The following RNLS variants were observed in gnomAD, a reference collection of about 807,000 sequenced individuals.
RNLS encodes renalase.
In RNLS, 39 loss-of-function variants were observed where a neutral mutation model predicts 39.8. The ratio of observed to expected loss-of-function variants is 0.98; its 90% CI spans 0.76 to 1.28. The LOEUF (loss-of-function observed/expected upper bound fraction) is 1.28. Among genes scored for constraint, RNLS ranks in the 50% most tolerant of loss-of-function variants. The pLI is 0.00. For synonymous variants in RNLS, 147 were observed against 150.7 expected (o/e 0.98, Z 0.18); for missense variants, 410 against 413.3 (o/e 0.99, Z 0.07).
At chr10:88,451,441 A>G (rs535297061) in intron 4 of RNLS, among the ~76,000 whole-genome samples, 58 of 152,306 alleles carry the variant, frequency 3.8e-4, no homozygotes, top group African/African-American at 1.3e-3. Context: ...GGACTGGAAC[A>G]TAAGGAACTG....
the RNLS span, among the ~76,000 whole-genome samples, chr10:88,213,944 A>G: frequency 1.8e-4 from 28 of 152,308 alleles, no homozygotes; most frequent in East Asian, 5.0e-3. Context: ...AAACTGGCTT[A>G]AACAAAAAGG....
At chr10:88,336,223 T>A (rs1303895872) in intron 5 of RNLS, among the ~76,000 whole-genome samples, 1 of 152,232 alleles carries the variant, frequency 6.6e-6, no homozygotes, top group Non-Finnish European at 1.5e-5. Context: ...CCGACACACC[T>A]ATTAGCTTCT....
chr10:88,315,743 T>A (rs985535415), intron 5 of RNLS, among the ~76,000 whole-genome samples: 1 of 151,780 alleles, frequency 6.6e-6, no homozygotes, highest in African/African-American at 2.4e-5. Context: ...TTCAGGTTTT[T>A]TTTTTTTTTT....
At chr10:88,515,003 C>CA (rs1285482929) in intron 4 of RNLS, among the ~76,000 whole-genome samples, 3 of 152,042 alleles carry the variant, frequency 2.0e-5, no homozygotes, top group Admixed American at 6.6e-5. Context: ...TTCTTACCAA[C>CA]AAGGGTTCCA....
chr10:88,245,759 A>G, the RNLS span, among the ~76,000 whole-genome samples: 2 of 152,036 alleles, frequency 1.3e-5, no homozygotes, highest in African/African-American at 4.8e-5. Flanking sequence ...GCTTTCTTCT[A>G]TCATATATGC....
intron 4 of RNLS, among the ~76,000 whole-genome samples, chr10:88,475,809 A>G (rs994283409): frequency 6.6e-6 from 1 of 152,208 alleles, no homozygotes; most frequent in Admixed American, 6.6e-5. Context: ...GAAAAATAGT[A>G]ACATTGATTA....
the RNLS span, among the ~76,000 whole-genome samples, chr10:88,255,353 G>A: frequency 1.3e-5 from 2 of 152,094 alleles, no homozygotes; most frequent in Admixed American, 6.6e-5. Flanking sequence ...TCTTAATCCC[G>A]GGAATACAGG....
At chr10:88,241,824 G>C in the RNLS span, among the ~76,000 whole-genome samples, 1 of 152,190 alleles carries the variant, frequency 6.6e-6, no homozygotes, top group East Asian at 1.9e-4. Context: ...TTCATGCTCT[G>C]TGCATTTATA....
the RNLS span, among the ~76,000 whole-genome samples, chr10:88,239,428 G>T: frequency 6.6e-6 from 1 of 152,132 alleles, no homozygotes; most frequent in Admixed American, 6.5e-5. Flanking sequence ...CATTCCAAAG[G>T]TTGAAAGGCA....
rs375615489 is a variant in RNLS, at chr10:88,362,840, C to G, written c.527-115G>C. 6.0e-6 allele frequency: 5 copies of G among 838,686 alleles called. No individual in the cohort carries two copies. The South Asian group carries it at 8.8e-5, about 15-fold the overall frequency. 52.0% of individuals were successfully genotyped at this position (838,686 alleles called of 1,614,324 possible). On this transcript the variant is annotated intron_variant, in intron 4 of 6. Coordinates refer to ENST00000331772, the MANE Select transcript of RNLS (RefSeq NM_001031709.3). ...AACAGCTTCCACCAACTCCATCTCA[C>G]TTACAATGAATTTTGAAAGGTAATG...
At chr10:88,550,854 C>G (rs1340462093) in intron 4 of RNLS, among the ~76,000 whole-genome samples, 1 of 152,124 alleles carries the variant, frequency 6.6e-6, no homozygotes. Context: ...TCTTAGAGAT[C>G]TAGGGTTCAA....
the RNLS span, among the ~76,000 whole-genome samples, chr10:88,264,380 C>A: frequency 2.0e-5 from 3 of 151,862 alleles, no homozygotes; most frequent in East Asian, 5.8e-4. Flanking sequence ...ATTTTTAGTT[C>A]TTTATGGAAT....
chr10:88,426,419 A>C (rs958191467), intron 4 of RNLS, among the ~76,000 whole-genome samples: 2 of 152,074 alleles, frequency 1.3e-5, no homozygotes, highest in East Asian at 3.8e-4. Context: ...AGTTATATAT[A>C]GAAAACATTC....
In RNLS at chr10:88,505,466, G is replaced by A. The variant is rs377232498; in HGVS notation, c.526+67437C>T. 4.0e-5 allele frequency among the ~76,000 whole-genome samples: 6 copies of A among 151,578 alleles called. No individual in the cohort carries two copies. The South Asian group carries it at 1.3e-3, about 32-fold the overall frequency. The stretch of plus-strand genomic sequence containing the variant: ...GTGTTGGAGAAAGGGAGGACGGGAA[G>A]GAGAGACAGAAAGAGAGAGAGGAGG... On this transcript the variant is annotated intron_variant, in intron 4 of 6. Transcript: ENST00000331772.
At chr10:88,413,856 CCTA>C (rs1564780093) in intron 4 of RNLS, among the ~76,000 whole-genome samples, 1 of 152,104 alleles carries the variant, frequency 6.6e-6, no homozygotes, top group South Asian at 2.1e-4. Context: ...GTCAATACTT[CCTA>C]CTCATCATTT....
intron 5 of RNLS, among the ~76,000 whole-genome samples, chr10:88,330,587 T>TA (rs1225841748): frequency 1.3e-5 from 2 of 151,766 alleles, no homozygotes; most frequent in Non-Finnish European, 2.9e-5. Flanking sequence ...TACAATAAGA[T>TA]AAAAAATGGA....
At chr10:88,266,736 C>CACACACACA in the RNLS span, among the ~76,000 whole-genome samples, 10 of 146,020 alleles carry the variant, frequency 6.8e-5, no homozygotes, top group South Asian at 8.8e-4. Context: ...CACACACACA[C>CACACACACA]CCCACACACA....
chr10:88,390,419 A>G (rs189695288), intron 4 of RNLS, among the ~76,000 whole-genome samples: 251 of 152,302 alleles, frequency 1.6e-3, no homozygotes, highest in Non-Finnish European at 2.6e-3. Flanking sequence ...AAAAGAGGGG[A>G]AAAAAGTGTT....
chr10:88,394,255 C>A (rs941222196), intron 4 of RNLS, among the ~76,000 whole-genome samples: 2 of 152,236 alleles, frequency 1.3e-5, no homozygotes, highest in Non-Finnish European at 2.9e-5. Flanking sequence ...AGTGAACAGG[C>A]AACCTATAGC....
Sources: gnomAD v4.1 joint callset for allele counts (sites outside exome capture counted in the v4.1 genomes callset) on GRCh38, gnomAD v4.1.1 for gene constraint, MANE v1.5 for transcripts, NCBI Gene and HGNC (gene_info 2026-07-23, HGNC 2026-07-21) for gene names.